Variants in FLII observed in about 807,000 individuals in gnomAD.
FLII encodes protein flightless-1 homolog.
A neutral mutation model predicts 156.2 loss-of-function variants in FLII; 101 were observed. That is an observed-to-expected ratio of 0.65 (90% CI 0.55 to 0.76). The LOEUF is 0.76. Ranked by LOEUF, FLII falls within the 30% of genes least tolerant of loss-of-function variation. The probability of loss-of-function intolerance (pLI) is 0.00; values close to 1 mark genes in which losing one functional copy is unlikely to be tolerated. For missense variants in FLII, 1,675 were observed against 1,682.8 expected (o/e 1.00, Z 0.08); for synonymous variants, 767 against 685.8 (o/e 1.12, Z -1.85).
At chr17:18,250,810 C>A (rs2048238606) in intron 14 of FLII, 28 bp downstream of exon 14, 2 of 1,594,164 alleles carry the variant, frequency 1.3e-6, no homozygotes, top group Non-Finnish European at 1.7e-6. Context: ...CCCCACTCTG[C>A]CCACCCCCAA....
intron 11 of FLII, 47 bp from the exon 12 acceptor site, chr17:18,251,863 C>G (rs772556206): frequency 1.9e-6 from 3 of 1,611,260 alleles, no homozygotes; most frequent in South Asian, 1.1e-5. Flanking sequence ...CCTGCTGCCC[C>G]CTTGGGCATG....
rs1262672170 is a variant in FLII at position 18,256,516 on chromosome 17, C to A, written c.246+10G>T. Reference sequence around the variant, plus strand: ...ACCCCAAGCTCGGTGGCCTCCCGGCCAGCACTCACGCGCAGCGATGGCAGG... The same window carrying A: ...ACCCCAAGCTCGGTGGCCTCCCGGCAAGCACTCACGCGCAGCGATGGCAGG... On this transcript the variant is annotated intron_variant, in intron 3 of 29. Transcript: ENST00000327031. The A allele has an allele frequency of 1.3e-6, 2 of 1,550,812 alleles. No individual in the cohort carries two copies. The highest frequency in any genetic ancestry group is 8.7e-7 in the Non-Finnish European group (1 of 1,146,528).
At chr17:18,258,985 G>C, upstream of FLII, 1 of 208,412 alleles carries the variant, frequency 4.8e-6, no homozygotes, top group Non-Finnish European at 9.5e-6. The surrounding 1 kb of genome is among the most constrained non-coding windows in gnomAD (Gnocchi z 4.2). Flanking sequence ...GCCGCTGGTC[G>C]AGGCACCGTC....
At position 18,255,225 on chromosome 17, in the gene FLII, T is replaced by C; in HGVS notation, c.285A>G (p.Gly95=). The change falls in exon 4 of 30, where the codon GGA becomes GGG. Residue 95 remains glycine (G), a synonymous_variant. Coordinates refer to ENST00000327031, the MANE Select transcript of FLII (RefSeq NM_002018.4). ...VARANSLKNS[G]VPDDIFKLDD... ...CTAGCTTGAAGATGTCATCGGGGAC[T>C]CCGGAATTCTTCAGACTGTTGGCTC... 1 of 1,614,100 alleles carries C rather than the reference T, an allele frequency of 6.2e-7. No individual in the cohort carries two copies. Among genetic ancestry groups the C allele is most frequent in the Non-Finnish European group, 8.5e-7 (1 of 1,179,964 alleles).
Position 18,258,384 on chromosome 17 carries a change from C to G in FLII, c.63+244G>C. The G allele has an allele frequency of 8.7e-7, 1 of 1,144,540 alleles. No individual in the cohort carries two copies. Among genetic ancestry groups the G allele is most frequent in the East Asian group, 3.0e-5 (1 of 32,964 alleles). The allele number at this position is 1,144,540 out of a possible 1,614,324, so 70.9% of individuals were successfully genotyped here. On this transcript the variant is annotated intron_variant, in intron 1 of 29. Transcript: ENST00000327031. The surrounding 1 kb of genome is among the most constrained non-coding windows in gnomAD (Gnocchi z 4.2). ...GCGGGGTGGGGGCTCCCGGCCGGGC[C>G]CCCGGCGGGACTCCGAGCCCAAGCG...
At chr17:18,255,559 TA>T (rs2048389778) in intron 3 of FLII, among the ~76,000 whole-genome samples, 1 of 152,002 alleles carries the variant, frequency 6.6e-6, no homozygotes, top group African/African-American at 2.4e-5. Context: ...GAAGGTGAGA[TA>T]GGGGTAAGGT....
chr17:18,252,805 G>T (rs2048310076), intron 9 of FLII, among the ~76,000 whole-genome samples: 1 of 152,202 alleles, frequency 6.6e-6, no homozygotes, highest in South Asian at 2.1e-4. Context: ...CCCCCCGAAG[G>T]GTGCTCTCAG....
chr17:18,257,549 C>A (rs937071064), intron 1 of FLII, among the ~76,000 whole-genome samples: 1 of 152,256 alleles, frequency 6.6e-6, no homozygotes, highest in Admixed American at 6.5e-5. Context: ...CCCACCTCGG[C>A]ACCTCCAGCC....
chr17:18,257,570 C>T (rs1194979666), intron 1 of FLII, among the ~76,000 whole-genome samples: 1 of 152,244 alleles, frequency 6.6e-6, no homozygotes, highest in Non-Finnish European at 1.5e-5. Flanking sequence ...CTTGTGGCAC[C>T]AAGTCTGGGG....
intron 4 of FLII, 21 bp from the exon 5 acceptor site, chr17:18,254,875 C>T (rs1233825569): frequency 1.9e-6 from 3 of 1,613,192 alleles, no homozygotes; most frequent in East Asian, 4.5e-5. Context: ...GGGGCAAGAC[C>T]CAGGTCAGGG....
At chr17:18,256,295 G>A (rs2142872119) in intron 3 of FLII, among the ~76,000 whole-genome samples, 1 of 152,340 alleles carries the variant, frequency 6.6e-6, no homozygotes. Flanking sequence ...GTAAGATTTT[G>A]GATTTCTTTA....
At chr17:18,247,122 T>TGGGGGG in intron 21 of FLII, 47 bp downstream of exon 21, 17 of 1,011,160 alleles carry the variant, frequency 1.7e-5, no homozygotes, top group African/African-American at 3.1e-5. Flanking sequence ...GCCCTCGGCC[T>TGGGGGG]GCCCCCCACC....
At position 18,245,557 on chromosome 17, in the gene FLII, C is replaced by T. The variant is rs1274644095; in HGVS notation, c.3607G>A (p.Glu1203Lys). The T allele has an allele frequency of 4.3e-6, 7 of 1,613,666 alleles. No individual in the cohort carries two copies. Among genetic ancestry groups the T allele is most frequent in the Non-Finnish European group, 5.9e-6 (7 of 1,179,906 alleles). ...DDIMLLDNGQEVYMWVGTQTS... is the reference protein window; with the variant it reads ...DDIMLLDNGQKVYMWVGTQTS... ...CAGGGCTAGTGGCAACATCACACCT[C>T]TTGGCCATTGTCTAGCAACATGATG... The change falls in exon 28 of 30, where the codon GAG (glutamate) becomes AAG (lysine). Residue 1203 changes from glutamate (E) to lysine (K), a missense_variant and splice_region_variant. Physicochemically the swap from Glu to Lys is moderately conservative, Grantham distance 56 (BLOSUM62 1). This residue lies in a region of FLII where 1,332 missense variants were observed against 1,269.3 expected (regional missense o/e 1.05). Coordinates refer to ENST00000327031, the MANE Select transcript of FLII (RefSeq NM_002018.4).
chr17:18,245,050 G>A lies in FLII; in HGVS notation c.*88C>T. 1 of 1,436,794 alleles carries A rather than the reference G, an allele frequency of 7.0e-7. No homozygotes were observed. Among genetic ancestry groups the A allele is most frequent in the Non-Finnish European group, 9.5e-7 (1 of 1,050,918 alleles). 89.0% of individuals were successfully genotyped at this position (1,436,794 alleles called of 1,614,324 possible). A position where few individuals can be genotyped will look rare whatever the true frequency, so the allele number is the denominator to read the frequency against. On this transcript the variant is annotated 3_prime_UTR_variant, in exon 30 of 30. Transcript: ENST00000327031. ...GGCACTGGACGTGGCTGGAGCAGGTGGTGTCACCTGAGTACATTCTTTGCT... is the reference window on the plus strand; with the variant it reads ...GGCACTGGACGTGGCTGGAGCAGGTAGTGTCACCTGAGTACATTCTTTGCT...
rs2048039249 is a variant in FLII, at chr17:18,246,076, A to C, written c.3268-14T>G. Reference sequence around the variant, plus strand: ...CTCAAAGGGAACCTGGGGAGTGTGCAGGGGTGGGGGTGTTCGCAGCTGACT... The same window carrying C: ...CTCAAAGGGAACCTGGGGAGTGTGCCGGGGTGGGGGTGTTCGCAGCTGACT... On this transcript the variant is annotated splice_polypyrimidine_tract_variant and intron_variant, in intron 25 of 29. Transcript: ENST00000327031. The C allele has an allele frequency of 6.2e-7, 1 of 1,614,014 alleles. No homozygotes were observed. The highest frequency in any genetic ancestry group is 1.1e-5 in the South Asian group (1 of 91,090).
chr17:18,250,650 C>G (rs921503490), intron 14 of FLII, among the ~76,000 whole-genome samples, 188 bp downstream of exon 14: 16 of 152,216 alleles, frequency 1.1e-4, no homozygotes, highest in African/African-American at 3.4e-4. Flanking sequence ...CTGACCCAGG[C>G]TTTGGCCACC....
chr17:18,246,757 T>G lies in FLII; in HGVS notation c.2888A>C (p.Glu963Ala), dbSNP rs2048073156. 6.2e-7 allele frequency: 1 copy of G among 1,613,824 alleles called. No homozygotes were observed. Among genetic ancestry groups the G allele is most frequent in the East Asian group, 2.2e-5 (1 of 44,874 alleles). ...TGCCTCAGCGGTTGCTTCCTCGCCT[T>G]CTTTGCCCTCGGCCTTCTCCTCCTT... ...EDKEEKAEGK[E>A]GEEATAEAEE... Residue 963 changes from glutamate (E) to alanine (A), a missense_variant, in exon 23 of 30, where the codon GAA becomes GCA. Glu to Ala is a moderately radical substitution (Grantham distance 107). Coordinates refer to ENST00000327031, the MANE Select transcript of FLII (RefSeq NM_002018.4).
chr17:18,257,072 TGGCTCCTCCA>T (rs1020449012), intron 1 of FLII, 53 bp from the exon 2 acceptor site: 1 of 1,232,840 alleles, frequency 8.1e-7, no homozygotes, highest in African/African-American at 1.5e-5. Flanking sequence ...CCACCTTCTA[TGGCTCCTCCA>T]GCCCATGGGA....
Position 18,245,731 on chromosome 17 carries a change from G to A in FLII, c.3503+13C>T. 6.2e-7 allele frequency: 1 copy of A among 1,611,708 alleles called. No individual in the cohort carries two copies. Among genetic ancestry groups the A allele is most frequent in the Non-Finnish European group, 8.5e-7 (1 of 1,177,852 alleles). On this transcript the variant is annotated intron_variant, in intron 27 of 29. Transcript: ENST00000327031. ...TGCCAGGACTGAGGGGAGGGTCAGG[G>A]CCCTGGCCTCACCGGAAGAGACGTG...
Sources: gnomAD v4.1 joint callset for allele counts (sites outside exome capture counted in the v4.1 genomes callset) on GRCh38, gnomAD v4.1.1 for gene constraint, gnomAD v4.1.1 regional missense constraint, Gnocchi (gnomAD v3.1) non-coding constraint, MANE v1.5 for transcripts, NCBI Gene and HGNC (gene_info 2026-07-23, HGNC 2026-07-21) for gene names.